The following TEX35 variants were observed in gnomAD, a reference collection of about 807,000 sequenced individuals.
The protein encoded by TEX35 is testis expressed 35, also known as testis-expressed protein 35.
In TEX35, 26 loss-of-function variants were observed where a neutral mutation model predicts 31.9. The ratio of observed to expected loss-of-function variants is 0.81; its 90% CI spans 0.60 to 1.13. The LOEUF is 1.13. Ranked by LOEUF, TEX35 falls within the 50% of genes most tolerant of loss-of-function variation. The pLI is 0.00. For missense variants in TEX35, 278 were observed against 273.5 expected, an observed-to-expected ratio of 1.02 and a Z score of -0.12; for synonymous variants, 87 against 90.7, an observed-to-expected ratio of 0.96 and a Z score of 0.23.
intron 8 of TEX35, 133 bp from the exon 9 acceptor site, chr1:178,522,192 C>A: frequency 8.0e-7 from 1 of 1,245,352 alleles, no homozygotes; most frequent in Non-Finnish European, 1.1e-6. Context: ...TGCACCACAC[C>A]CCTCTGAGGT....
intron 8 of TEX35, chr1:178,521,986 T>C (rs1650301892): frequency 1.2e-6 from 1 of 818,864 alleles, no homozygotes; most frequent in African/African-American, 1.7e-5. Flanking sequence ...CCTCCCTCCA[T>C]TCCACCTGGG....
At chr1:178,514,567 G>A in intron 2 of TEX35, 133 bp from the exon 3 acceptor site, 1 of 842,374 alleles carries the variant, frequency 1.2e-6, no homozygotes, top group Non-Finnish European at 1.9e-6. Flanking sequence ...CTTCTGCACA[G>A]GTGGGGCCAC....
chr1:178,520,749 C>T lies in TEX35; in HGVS notation c.418C>T (p.Pro140Ser). ...GACTCACAGAGAACCACAGCTCAGG[C>T]CCAAGAAAATGGATGGAGCCAGTGG... ...GKTHREPQLR[P>S]KKMDGASGVN... The change falls in exon 7 of 9, where the codon CCC becomes TCC. Residue 140 changes from proline to serine, a missense_variant. Physicochemically the swap from Pro to Ser is moderately conservative, Grantham distance 74. Transcript: ENST00000319416. 2 of 1,614,130 alleles carry T rather than the reference C, an allele frequency of 1.2e-6. No homozygotes were observed. The highest frequency in any genetic ancestry group is 1.7e-6 in the Non-Finnish European group (2 of 1,180,022).
In TEX35 at chr1:178,514,240, A is replaced by G. The variant is rs534096386; in HGVS notation, c.90+163A>G. 98 of 1,536,564 alleles carry G rather than the reference A, an allele frequency of 6.4e-5. 2 individuals are homozygous for G. In the South Asian group the frequency reaches 1.1e-3, roughly 17 times the overall value. ...TCTCATAGAACTTCACACTGTAACC[A>G]ATCAGATACATAAACGAACAAGGAC... is the stretch of plus-strand genomic sequence containing the variant. On this transcript the variant is annotated intron_variant, in intron 2 of 8. Transcript: ENST00000319416.
At position 178,520,666 on chromosome 1, in the gene TEX35, C is replaced by T. The variant is rs761300188; in HGVS notation, c.342-7C>T. 1.2e-6 allele frequency: 2 copies of T among 1,613,198 alleles called. No individual in the cohort carries two copies. Among genetic ancestry groups the T allele is most frequent in the Admixed American group, 1.7e-5 (1 of 59,886 alleles). On this transcript the variant is annotated splice_region_variant and splice_polypyrimidine_tract_variant and intron_variant, in intron 6 of 8. Coordinates refer to ENST00000319416, the MANE Select transcript of TEX35 (RefSeq NM_032126.5). Reference sequence around the variant, plus strand: ...CTCTCTGCCCCTCCCTGGCCCTCCTCCCCCAGTCCCCTTAGAAGAGCACCA... The same window carrying T: ...CTCTCTGCCCCTCCCTGGCCCTCCTTCCCCAGTCCCCTTAGAAGAGCACCA...
At chr1:178,513,927 T>C in intron 1 of TEX35, 100 bp from the exon 2 acceptor site, 2 of 1,408,556 alleles carry the variant, frequency 1.4e-6, no homozygotes, top group Non-Finnish European at 1.9e-6. Context: ...GGTTGCATGG[T>C]TGTGGGGGGC....
intron 4 of TEX35, 92 bp downstream of exon 4, chr1:178,516,007 A>G: frequency 1.0e-6 from 1 of 1,004,364 alleles, no homozygotes; most frequent in East Asian, 2.5e-5. Context: ...GAAAGCAGGA[A>G]TTGCATGGAA....
chr1:178,518,135 T>C (rs1650147136), intron 5 of TEX35, among the ~76,000 whole-genome samples: 1 of 151,984 alleles, frequency 6.6e-6, no homozygotes, highest in African/African-American at 2.4e-5. Context: ...TAAAAAGCAA[T>C]AAACATATTA....
chr1:178,515,407 T>C (rs1004953162), intron 3 of TEX35, among the ~76,000 whole-genome samples: 12 of 152,126 alleles, frequency 7.9e-5, no homozygotes, highest in East Asian at 5.8e-4. Flanking sequence ...TCTGGGGACA[T>C]TGACATTTTT....
chr1:178,517,664 A>G (rs1462813765), intron 5 of TEX35, among the ~76,000 whole-genome samples: 6 of 152,208 alleles, frequency 3.9e-5, no homozygotes, highest in African/African-American at 9.7e-5. Flanking sequence ...TCACAGCTCT[A>G]TAGAATTTAC....
chr1:178,514,920 A>T (rs1242390765), intron 3 of TEX35, 152 bp downstream of exon 3: 1 of 663,830 alleles, frequency 1.5e-6, no homozygotes, highest in African/African-American at 1.8e-5. Context: ...CACACAGACA[A>T]TACTCATCTA....
rs925627827 is a variant in TEX35, at chr1:178,515,522, T to C, written c.160-337T>C. Among the ~76,000 whole-genome samples the C allele has an allele frequency of 2.4e-4, 37 of 152,298 alleles. 1 individual carries two copies. The highest frequency in any genetic ancestry group is 2.2e-3 in the Admixed American group (33 of 15,288). On this transcript the variant is annotated intron_variant, in intron 3 of 8. Transcript: ENST00000319416. Reference sequence around the variant, plus strand: ...CTGTGCATTTTTTGGCAGAGACACATGATGCCTGTAGGTCCCACTATCTTA... The same window carrying C: ...CTGTGCATTTTTTGGCAGAGACACACGATGCCTGTAGGTCCCACTATCTTA...
At chr1:178,516,885 G>A (rs1016470347) in intron 5 of TEX35, among the ~76,000 whole-genome samples, 7 of 152,226 alleles carry the variant, frequency 4.6e-5, no homozygotes, top group Non-Finnish European at 8.8e-5. Context: ...AGTAAGCAGC[G>A]AAGTCCTTAC....
rs1253587028 is a variant in TEX35, at chr1:178,516,606, C to T, written c.217-9C>T. Reference sequence around the variant, plus strand: ...TGCTTTGTCAAGCCATGCCTTTCTTCCTTGTTAGATAAAGGATCTAATGGA... The same window carrying T: ...TGCTTTGTCAAGCCATGCCTTTCTTTCTTGTTAGATAAAGGATCTAATGGA... On this transcript the variant is annotated splice_polypyrimidine_tract_variant and intron_variant, in intron 4 of 8. Coordinates refer to ENST00000319416, the MANE Select transcript of TEX35 (RefSeq NM_032126.5). 6.2e-7 allele frequency: 1 copy of T among 1,612,070 alleles called. No individual in the cohort carries two copies. The highest frequency in any genetic ancestry group is 1.3e-5 in the African/African-American group (1 of 74,952).
intron 2 of TEX35, among the ~76,000 whole-genome samples, chr1:178,514,470 G>C (rs1649998622): frequency 6.6e-6 from 1 of 152,230 alleles, no homozygotes; most frequent in South Asian, 2.1e-4. Flanking sequence ...GAGCCTGGCT[G>C]TTCAAGGGAC....
At chr1:178,520,964 G>C (rs1396623275) in intron 7 of TEX35, 90 bp downstream of exon 7, 11 of 1,576,582 alleles carry the variant, frequency 7.0e-6, no homozygotes, top group Non-Finnish European at 9.5e-6. Context: ...CTGTATCATA[G>C]TGAAGGGACA....
chr1:178,519,801 A>C (rs950054139), intron 5 of TEX35, among the ~76,000 whole-genome samples: 1 of 152,178 alleles, frequency 6.6e-6, no homozygotes, highest in African/African-American at 2.4e-5. Context: ...ATTTCCATTC[A>C]ATTTACCCAG....
intron 8 of TEX35, chr1:178,521,951 C>T (rs1650300388): frequency 9.2e-7 from 1 of 1,086,922 alleles, no homozygotes. Flanking sequence ...ACATCTTAGT[C>T]ATCTTAGGGT....
chr1:178,520,477 G>A (rs376264869), intron 6 of TEX35, 41 bp downstream of exon 6: 22 of 1,613,972 alleles, frequency 1.4e-5, no homozygotes, highest in Non-Finnish European at 1.9e-5. Flanking sequence ...TCCCTAAAGG[G>A]TCTCCTCCCT....
Sources: gnomAD v4.1 joint callset for allele counts (sites outside exome capture counted in the v4.1 genomes callset) on GRCh38, gnomAD v4.1.1 for gene constraint, MANE v1.5 for transcripts, NCBI Gene and HGNC (gene_info 2026-07-23, HGNC 2026-07-21) for gene names.